Variants in HERC1 observed in about 807,000 individuals in gnomAD.
The protein encoded by HERC1 is probable E3 ubiquitin-protein ligase HERC1.
HERC1 carries 160 observed loss-of-function variants against 554.3 expected under a neutral mutation model. That is an observed-to-expected ratio of 0.29 (90% CI 0.25 to 0.33). The LOEUF is 0.33. Ranked by LOEUF, HERC1 falls within the 10% of genes least tolerant of loss-of-function variation. The pLI is 1.00. For missense variants in HERC1, 4,919 were observed against 5,918.5 expected (o/e 0.83, Z 5.54); for synonymous variants, 2,175 against 2,131.7 (o/e 1.02, Z -0.56).
intron 77 of HERC1, among the ~76,000 whole-genome samples, chr15:63,611,721 G>A (rs763537859): frequency 1.8e-4 from 27 of 152,220 alleles, no homozygotes; most frequent in Admixed American, 3.3e-4. Flanking sequence ...GTTGGTTGTA[G>A]TATGCTCTCT....
chr15:63,771,623 G>A (rs925662242), intron 2 of HERC1, among the ~76,000 whole-genome samples: 3 of 151,688 alleles, frequency 2.0e-5, no homozygotes, highest in Admixed American at 2.0e-4. Context: ...ATAGAGACAG[G>A]GTTTCACCAT....
intron 68 of HERC1, among the ~76,000 whole-genome samples, chr15:63,631,042 G>A (rs528512152): frequency 7.9e-5 from 12 of 152,182 alleles, no homozygotes; most frequent in Admixed American, 5.9e-4. Context: ...GCAGTGGTGC[G>A]ACCTCGGCTC....
At position 63,749,572 on chromosome 15, in the gene HERC1, A is replaced by G. The variant is rs1228210166; in HGVS notation, c.2048-34T>C. On this transcript the variant is annotated intron_variant, in intron 9 of 77. Coordinates refer to ENST00000443617, the MANE Select transcript of HERC1 (RefSeq NM_003922.4). This position sits in a 1 kb window ranked among gnomAD's most constrained non-coding sequence, Gnocchi z 4.1. ...AAAATATAAAGTATTATATAAAAGA[A>G]AAGCCAAATTCAAATGTAATATATT... 1 of 1,574,500 alleles carries G rather than the reference A, an allele frequency of 6.4e-7. No individual in the cohort carries two copies. The highest frequency in any genetic ancestry group is 8.6e-7 in the Non-Finnish European group (1 of 1,162,042).
intron 2 of HERC1, among the ~76,000 whole-genome samples, chr15:63,769,985 A>G (rs2075900448): frequency 6.6e-6 from 1 of 152,194 alleles, no homozygotes; most frequent in African/African-American, 2.4e-5. Flanking sequence ...ACATAAGATT[A>G]GACGGAGTAC....
Position 63,756,090 on chromosome 15 carries a change from TTAAAG to T in HERC1, c.1533+342_1533+346del, listed in dbSNP as rs1472781153. Among the ~76,000 whole-genome samples the T allele has an allele frequency of 6.6e-6, 1 of 152,216 alleles. No individual in the cohort carries two copies. The highest frequency in any genetic ancestry group is 2.4e-5 in the African/African-American group (1 of 41,462). ...TATCTCTATCCTGAAGACTAAAGGATTAAAGTAGAGACCTTATCTGTCTTGTTCAC... is the reference window on the plus strand; with the variant it reads ...TATCTCTATCCTGAAGACTAAAGGATTAGAGACCTTATCTGTCTTGTTCAC... On this transcript the variant is annotated intron_variant, in intron 5 of 77. Transcript: ENST00000443617. This position sits in a 1 kb window ranked among gnomAD's most constrained non-coding sequence, Gnocchi z 5.0.
intron 1 of HERC1, among the ~76,000 whole-genome samples, chr15:63,826,801 AAAAAAAAAAAAAAATATATATATATAT>A (rs1329563269): frequency 1.2e-5 from 1 of 84,146 alleles, no homozygotes; most frequent in Non-Finnish European, 2.3e-5. Context: ...AAAAAAAAAA[AAAAAAAAAAAAAAATATATATATATAT>A]ATATATATAT....
chr15:63,677,722 G>C lies in HERC1; in HGVS notation c.7070+123C>G. The C allele has an allele frequency of 6.8e-7, 1 of 1,459,886 alleles. No homozygotes were observed. The allele number at this position is 1,459,886 out of a possible 1,614,324, so 90.4% of individuals were successfully genotyped here. On this transcript the variant is annotated intron_variant, in intron 37 of 77. Transcript: ENST00000443617. This position sits in a 1 kb window ranked among gnomAD's most constrained non-coding sequence, Gnocchi z 4.4. ...ACAGTAGAAACATCTAGCTGCATGA[G>C]AAATATTTTTAAAAGTTAACTGGCA... is the stretch of plus-strand genomic sequence containing the variant.
At chr15:63,638,335 C>A (rs2068878238) in intron 63 of HERC1, 76 bp downstream of exon 63, 1 of 1,436,718 alleles carries the variant, frequency 7.0e-7, no homozygotes, top group Admixed American at 1.9e-5. Flanking sequence ...CAAGCTTTAT[C>A]CCACAATAAG....
At chr15:63,635,833 C>A in intron 65 of HERC1, 128 bp downstream of exon 65, 1 of 1,028,722 alleles carries the variant, frequency 9.7e-7, no homozygotes, top group Non-Finnish European at 1.4e-6. Context: ...ACATCCAAAA[C>A]CAATGGATCT....
intron 12 of HERC1, among the ~76,000 whole-genome samples, chr15:63,744,698 TAA>T (rs2074990812): frequency 6.6e-6 from 1 of 152,170 alleles, no homozygotes; most frequent in Non-Finnish European, 1.5e-5. Context: ...CAGGGATTCT[TAA>T]GTTAGCTTAT....
Position 63,616,624 on chromosome 15 carries a change from C to T in HERC1, c.13747G>A (p.Gly4583Arg). 1 of 1,613,912 alleles carries T rather than the reference C, an allele frequency of 6.2e-7. No individual in the cohort carries two copies. The highest frequency in any genetic ancestry group is 8.5e-7 in the Non-Finnish European group (1 of 1,179,896). ...DEHLMQFKFL[G>R]ILMGVAIRTK... ...CGAATGGCAACCCCCATTAAAATTCCTAAAAACTTAAACTGCATTAAGTGT... is the reference window on the plus strand; with the variant it reads ...CGAATGGCAACCCCCATTAAAATTCTTAAAAACTTAAACTGCATTAAGTGT... The change falls in exon 75 of 78, where the codon GGA (glycine) becomes AGA (arginine). Residue 4583 changes from glycine to arginine, a missense_variant. Coordinates refer to ENST00000443617, the MANE Select transcript of HERC1 (RefSeq NM_003922.4).
Position 63,694,908 on chromosome 15 carries a change from A to G in HERC1, c.5122-14T>C, listed in dbSNP as rs1270111240. ...TCTGATCCCATCCTGAATTACACAT[A>G]AAGAATTACTTTTTCTATTAGCAAC... is the stretch of plus-strand genomic sequence containing the variant. On this transcript the variant is annotated splice_polypyrimidine_tract_variant and intron_variant, in intron 27 of 77. Transcript: ENST00000443617. The surrounding 1 kb of genome is among the most constrained non-coding windows in gnomAD (Gnocchi z 4.3). The G allele has an allele frequency of 1.2e-6, 2 of 1,602,452 alleles. No homozygotes were observed. Among genetic ancestry groups the G allele is most frequent in the Non-Finnish European group, 1.7e-6 (2 of 1,175,358 alleles).
intron 18 of HERC1, among the ~76,000 whole-genome samples, chr15:63,724,203 T>C (rs898885259): frequency 9.2e-5 from 14 of 152,180 alleles, no homozygotes; most frequent in African/African-American, 2.7e-4. Flanking sequence ...AGGGTAGAGA[T>C]AGAGATACTT....
intron 47 of HERC1, among the ~76,000 whole-genome samples, 162 bp downstream of exon 47, chr15:63,659,574 C>A (rs972653018): frequency 3.9e-5 from 6 of 152,252 alleles, no homozygotes; most frequent in South Asian, 2.1e-4. Context: ...CCACATTATA[C>A]CTTCAAAATG....
At chr15:63,769,489 G>A (rs150797724) in intron 2 of HERC1, among the ~76,000 whole-genome samples, 313 of 152,194 alleles carry the variant, frequency 2.1e-3, no homozygotes, top group African/African-American at 7.2e-3. Flanking sequence ...CCCATTAAAT[G>A]TATAACTTCA....
intron 65 of HERC1, 98 bp downstream of exon 65, chr15:63,635,858 GTAATA>G: frequency 8.5e-7 from 1 of 1,174,278 alleles, no homozygotes; most frequent in South Asian, 1.4e-5. Context: ...TAATTACTGT[GTAATA>G]TATTTTTACT....
chr15:63,634,673 G>C, intron 66 of HERC1, 60 bp downstream of exon 66: 1 of 1,451,926 alleles, frequency 6.9e-7, no homozygotes, highest in Non-Finnish European at 9.4e-7. Flanking sequence ...GTGTCTAAGC[G>C]AACACAGAAG....
chr15:63,644,852 G>C, intron 57 of HERC1, 140 bp downstream of exon 57: 1 of 620,546 alleles, frequency 1.6e-6, no homozygotes, highest in East Asian at 2.7e-5. Context: ...GCTAATTCAG[G>C]ATGACAATTA....
Position 63,659,623 on chromosome 15 carries a change from A to G in HERC1, c.9424+113T>C, listed in dbSNP as rs532674795. 20 of 736,912 alleles carry G rather than the reference A, an allele frequency of 2.7e-5. No homozygotes were observed. The East Asian group carries it at 4.8e-4, about 18-fold the overall frequency. The allele number at this position is 736,912 out of a possible 1,614,324, so 45.6% of individuals were successfully genotyped here. Reference sequence around the variant, plus strand: ...CTAAAGAGACTTGTTGGGGTGAGATAATGTTGAACCATTAGTCTTATTTAC... The same window carrying G: ...CTAAAGAGACTTGTTGGGGTGAGATGATGTTGAACCATTAGTCTTATTTAC... On this transcript the variant is annotated intron_variant, in intron 47 of 77. Coordinates refer to ENST00000443617, the MANE Select transcript of HERC1 (RefSeq NM_003922.4).
Sources: allele counts gnomAD v4.1 joint callset (sites outside exome capture counted in the v4.1 genomes callset), GRCh38; gene constraint gnomAD v4.1.1; non-coding constraint Gnocchi (gnomAD v3.1); transcripts MANE v1.5; gene names NCBI Gene and HGNC (gene_info 2026-07-23, HGNC 2026-07-21).